Variants in SH3PXD2B observed in about 807,000 individuals in gnomAD.
SH3PXD2B encodes SH3 and PX domains 2B.
SH3PXD2B carries 37 observed loss-of-function variants against 73.1 expected under a neutral mutation model. The observed-to-expected ratio is 0.51, with a 90% CI of 0.39 to 0.67. The LOEUF is 0.67. SH3PXD2B is among the 30% of genes least tolerant of loss of function. The pLI, the probability that SH3PXD2B is intolerant of heterozygous loss-of-function variation, is 0.00. For synonymous variants in SH3PXD2B, 457 were observed against 480.5 expected (o/e 0.95, Z 0.64); for missense variants, 1,053 against 1,197.8 (o/e 0.88, Z 1.78).
chr5:172,454,232 G>A, intron 1 of SH3PXD2B, 46 bp downstream of exon 1: 1 of 1,551,066 alleles, frequency 6.4e-7, no homozygotes, highest in Non-Finnish European at 8.7e-7. Context: ...GGTCGCCCCC[G>A]ACGGGGCGCG....
rs753485676 is a variant in SH3PXD2B at position 172,346,242 on chromosome 5, G to A, written c.1082C>T (p.Pro361Leu). ...CACTTGGGGCGGGATGGGCGGCTTC[G>A]GCAGGTTGAGGCCTCGAGGCTGGTA... ...DMTIPRGLNL[P>L]KPPIPPQVEE... is the part of the protein sequence containing the mutation. The change falls in exon 12 of 13, where the codon CCG (proline) becomes CTG (leucine). Residue 361 changes from proline to leucine, a missense_variant. Physicochemically the swap from Pro to Leu is moderately conservative, Grantham distance 98. Coordinates refer to ENST00000311601, the MANE Select transcript of SH3PXD2B (RefSeq NM_001017995.3). The A allele has an allele frequency of 1.1e-5, 17 of 1,613,814 alleles. No homozygotes were observed. The highest frequency in any genetic ancestry group is 1.6e-4 in the Middle Eastern group (1 of 6,084).
intron 1 of SH3PXD2B, among the ~76,000 whole-genome samples, chr5:172,435,161 T>C (rs1356419120): frequency 1.3e-5 from 2 of 152,194 alleles, no homozygotes; most frequent in Admixed American, 6.5e-5. Context: ...CACATTGATT[T>C]TTCTCTTTCT....
At position 172,336,781 on chromosome 5, in the gene SH3PXD2B, G is replaced by GGGAGCTAGAAATGCTGGGTCCTGATTTT; in HGVS notation, c.*1560_*1587dup. On this transcript the variant is annotated 3_prime_UTR_variant, in exon 13 of 13. Coordinates refer to ENST00000311601, the MANE Select transcript of SH3PXD2B (RefSeq NM_001017995.3). The stretch of plus-strand genomic sequence containing the variant: ...CTGCTCTGCTCTCTTACTCTGGGCT[G>GGGAGCTAGAAATGCTGGGTCCTGATTTT]GGAGCTAGAAATGCTGGGTCCTGAT... The GGGAGCTAGAAATGCTGGGTCCTGATTTT allele has an allele frequency of 1.0e-6, 1 of 985,498 alleles. No individual in the cohort carries two copies. The highest frequency in any genetic ancestry group is 1.1e-4 in the East Asian group (1 of 8,828). 61.0% of individuals were successfully genotyped at this position (985,498 alleles called of 1,614,324 possible).
intron 2 of SH3PXD2B, among the ~76,000 whole-genome samples, chr5:172,414,900 T>C (rs1456556223): frequency 6.6e-6 from 1 of 152,168 alleles, no homozygotes; most frequent in Non-Finnish European, 1.5e-5. Context: ...TGAGGTGTCC[T>C]CTGCATGCAA....
chr5:172,359,291 T>C (rs529544203), intron 7 of SH3PXD2B, among the ~76,000 whole-genome samples: 132 of 147,714 alleles, frequency 8.9e-4, no homozygotes, highest in African/African-American at 3.2e-3. Context: ...GGAGGCTGAG[T>C]TGGGAGGATC....
chr5:172,414,395 G>A (rs1758770896), intron 2 of SH3PXD2B, among the ~76,000 whole-genome samples: 1 of 150,954 alleles, frequency 6.6e-6, no homozygotes, highest in Non-Finnish European at 1.5e-5. Context: ...TTTGAACCCG[G>A]GAAGCGGAGG....
chr5:172,418,112 G>A (rs551372594), intron 2 of SH3PXD2B, among the ~76,000 whole-genome samples: 2 of 150,966 alleles, frequency 1.3e-5, no homozygotes, highest in African/African-American at 4.9e-5. Context: ...TACTGGGGTC[G>A]CCTGCCAGCT....
In SH3PXD2B at chr5:172,334,355, C is replaced by T. The variant is rs958860601; in HGVS notation, c.*4014G>A. On this transcript the variant is annotated 3_prime_UTR_variant, in exon 13 of 13. Transcript: ENST00000311601. ...CTTACTCTAGTTAGGAGCAATTCCT[C>T]CAGGCCAAGAGAGGGCGCCCTGCAC... 1.0e-6 allele frequency: 1 copy of T among 993,720 alleles called. No homozygotes were observed. The highest frequency in any genetic ancestry group is 1.2e-6 in the Non-Finnish European group (1 of 836,480). The allele number at this position is 993,720 out of a possible 1,614,324, so 61.6% of individuals were successfully genotyped here. A position where few individuals can be genotyped will look rare whatever the true frequency, so the allele number is the denominator to read the frequency against.
intron 12 of SH3PXD2B, among the ~76,000 whole-genome samples, chr5:172,345,086 GA>G (rs1156374095): frequency 1.4e-4 from 21 of 150,334 alleles, no homozygotes; most frequent in Middle Eastern, 3.2e-3. Flanking sequence ...AGGAGGGAGG[GA>G]AGGAAAGAAG....
chr5:172,362,516 C>T (rs1468772679), intron 7 of SH3PXD2B, among the ~76,000 whole-genome samples: 5 of 152,162 alleles, frequency 3.3e-5, no homozygotes, highest in Non-Finnish European at 7.4e-5. Context: ...CAGAACAAAT[C>T]GGTACCATCT....
At chr5:172,340,182 T>A (rs958988075) in intron 12 of SH3PXD2B, among the ~76,000 whole-genome samples, 1 of 152,024 alleles carries the variant, frequency 6.6e-6, no homozygotes, top group Non-Finnish European at 1.5e-5. Context: ...AATTTGAGAG[T>A]TGGTCCTAGG....
At chr5:172,406,673 C>T (rs1758565788) in intron 2 of SH3PXD2B, among the ~76,000 whole-genome samples, 1 of 152,166 alleles carries the variant, frequency 6.6e-6, no homozygotes, top group Non-Finnish European at 1.5e-5. Flanking sequence ...ATTTCATGGA[C>T]AGCAGGTCAT....
chr5:172,358,768 C>T lies in SH3PXD2B; in HGVS notation c.667+5G>A. ...CAGTGAGCAGAGGCTCGAGCTCCTC[C>T]CTACCTTCTTCAGGCTGCAGAGAAA... On this transcript the variant is annotated splice_donor_5th_base_variant and intron_variant, in intron 8 of 12. Coordinates refer to ENST00000311601, the MANE Select transcript of SH3PXD2B (RefSeq NM_001017995.3). 1 of 1,610,344 alleles carries T rather than the reference C, an allele frequency of 6.2e-7. No homozygotes were observed. Among genetic ancestry groups the T allele is most frequent in the Non-Finnish European group, 8.5e-7 (1 of 1,178,606 alleles).
At chr5:172,358,946 A>C in intron 7 of SH3PXD2B, 69 bp from the exon 8 acceptor site, 2 of 1,418,672 alleles carry the variant, frequency 1.4e-6, no homozygotes, top group Non-Finnish European at 2.0e-6. Flanking sequence ...GAACATAATA[A>C]TCTATTCAGC....
At chr5:172,329,631 G>A (rs1477976207), downstream of SH3PXD2B, among the ~76,000 whole-genome samples, 2 of 147,434 alleles carry the variant, frequency 1.4e-5, no homozygotes, top group East Asian at 2.1e-4. Context: ...TCCGCCTTCC[G>A]GGTTCAAGCA....
rs537644516 is a variant in SH3PXD2B, at chr5:172,406,121, G to A, written c.232+156C>T. 6.6e-5 allele frequency among the ~76,000 whole-genome samples: 10 copies of A among 152,212 alleles called. No individual in the cohort carries two copies. In the East Asian group the frequency reaches 9.7e-4, roughly 15 times the overall value. ...AAAAATACAAAAAATTGCAACCTCCGGCATAAATGGGTTAATTTCTACAAA... is the reference window on the plus strand; with the variant it reads ...AAAAATACAAAAAATTGCAACCTCCAGCATAAATGGGTTAATTTCTACAAA... On this transcript the variant is annotated intron_variant, in intron 3 of 12. Transcript: ENST00000311601.
At position 172,430,188 on chromosome 5, in the gene SH3PXD2B, G is replaced by A. The variant is rs570707092; in HGVS notation, c.76-7692C>T. ...GTTCCATAAAGAGAAACTGTCAGCA[G>A]CAGCATCATTGTGAGCAGAAGGTCA... On this transcript the variant is annotated intron_variant, in intron 1 of 12. Coordinates refer to ENST00000311601, the MANE Select transcript of SH3PXD2B (RefSeq NM_001017995.3). 2.6e-5 allele frequency among the ~76,000 whole-genome samples: 4 copies of A among 152,366 alleles called. No homozygotes were observed. In the East Asian group the frequency reaches 7.7e-4, roughly 29 times the overall value.
intron 3 of SH3PXD2B, among the ~76,000 whole-genome samples, chr5:172,404,156 CACA>C (rs1156264645): frequency 2.0e-5 from 3 of 152,206 alleles, no homozygotes; most frequent in Non-Finnish European, 4.4e-5. Flanking sequence ...GCCTGGCAAA[CACA>C]TGCGCCCTGT....
intron 4 of SH3PXD2B, among the ~76,000 whole-genome samples, chr5:172,391,379 T>G (rs139443035): frequency 6.6e-6 from 1 of 152,344 alleles, no homozygotes; most frequent in African/African-American, 2.4e-5. Context: ...GTCTTACTAT[T>G]ATTGAGTTCT....
Sources: allele counts gnomAD v4.1 joint callset (sites outside exome capture counted in the v4.1 genomes callset), GRCh38; gene constraint gnomAD v4.1.1; transcripts MANE v1.5; gene names NCBI Gene and HGNC (gene_info 2026-07-23, HGNC 2026-07-21).